TRABD2B: variants seen among roughly 807,000 people sequenced by gnomAD.
TRABD2B encodes the protein TraB domain containing 2B.
Under a neutral mutation model 40.1 loss-of-function variants are expected in TRABD2B, and 14 were observed. The ratio of observed to expected loss-of-function variants is 0.35; its 90% CI spans 0.23 to 0.55. The LOEUF (loss-of-function observed/expected upper bound fraction) is 0.55, where lower values mean the gene tolerates loss of function less well. Among genes scored for constraint, TRABD2B ranks in the 20% least tolerant of loss-of-function variants. The pLI, the probability that TRABD2B is intolerant of heterozygous loss-of-function variation, is 0.90. For synonymous variants in TRABD2B, 263 were observed against 277.0 expected (o/e 0.95, Z 0.50); for missense variants, 541 against 648.6 (o/e 0.83, Z 1.80).
intron 3 of TRABD2B, among the ~76,000 whole-genome samples, chr1:47,796,340 C>A (rs1432516498): frequency 6.6e-6 from 1 of 152,210 alleles, no homozygotes; most frequent in Non-Finnish European, 1.5e-5. Flanking sequence ...AGGCCCAAAG[C>A]ACAAGACACC....
intron 2 of TRABD2B, among the ~76,000 whole-genome samples, chr1:47,875,674 CAAAAAAAAAAAAA>C (rs10541556): frequency 6.6e-5 from 5 of 75,934 alleles, no homozygotes; most frequent in East Asian, 7.2e-4. Flanking sequence ...AACCCTGTCT[CAAAAAAAAAAAAA>C]AAAAAAAAAA....
chr1:47,835,839 G>C (rs1191082285), intron 2 of TRABD2B, among the ~76,000 whole-genome samples: 1 of 152,208 alleles, frequency 6.6e-6, no homozygotes, highest in Non-Finnish European at 1.5e-5. Flanking sequence ...AAGGGTACCA[G>C]TAAAGATAAC....
chr1:47,885,400 G>A (rs1463839859), intron 2 of TRABD2B, among the ~76,000 whole-genome samples: 2 of 152,126 alleles, frequency 1.3e-5, no homozygotes, highest in African/African-American at 4.8e-5. Context: ...CCCCTTTCAG[G>A]CTGTGGGATC....
intron 2 of TRABD2B, among the ~76,000 whole-genome samples, chr1:47,818,424 T>C (rs910616778): frequency 1.3e-5 from 2 of 152,210 alleles, no homozygotes; most frequent in African/African-American, 4.8e-5. Context: ...TTCACAATGA[T>C]ATCTAATAGT....
At chr1:47,819,152 G>A (rs1645074069) in intron 2 of TRABD2B, 2 of 152,282 alleles carry the variant, frequency 1.3e-5, no homozygotes, top group Non-Finnish European at 2.9e-5. Flanking sequence ...GCAGGGCTAG[G>A]GCACAGGGCC....
chr1:47,898,292 C>T (rs895787548), intron 2 of TRABD2B, among the ~76,000 whole-genome samples: 9 of 152,298 alleles, frequency 5.9e-5, no homozygotes, highest in East Asian at 5.8e-4. Flanking sequence ...TCTTTGAGCC[C>T]GGGCTGCTCT....
At chr1:47,904,460 C>T (rs1644648918) in intron 2 of TRABD2B, among the ~76,000 whole-genome samples, 1 of 152,172 alleles carries the variant, frequency 6.6e-6, no homozygotes, top group African/African-American at 2.4e-5. Flanking sequence ...TGATGGAAAC[C>T]ATGTTACCGT....
intron 2 of TRABD2B, among the ~76,000 whole-genome samples, chr1:47,892,809 A>G (rs1463633226): frequency 3.3e-5 from 5 of 152,226 alleles, no homozygotes; most frequent in African/African-American, 4.8e-5. Flanking sequence ...GGAAGCCATC[A>G]TCGGAATTCA....
intron 2 of TRABD2B, among the ~76,000 whole-genome samples, chr1:47,917,229 G>A (rs909047722): frequency 6.6e-5 from 10 of 152,156 alleles, no homozygotes; most frequent in Non-Finnish European, 4.4e-5. Flanking sequence ...CAGGAACCCC[G>A]GAAACCCTTA....
At chr1:47,896,300 C>G (rs1466487514) in intron 2 of TRABD2B, among the ~76,000 whole-genome samples, 2 of 152,042 alleles carry the variant, frequency 1.3e-5, no homozygotes, top group Non-Finnish European at 2.9e-5. Flanking sequence ...TTGGGGGTCT[C>G]GGGTTACAGA....
chr1:47,856,199 G>A (rs1199157016), intron 2 of TRABD2B, among the ~76,000 whole-genome samples: 1 of 152,212 alleles, frequency 6.6e-6, no homozygotes, highest in Non-Finnish European at 1.5e-5. Flanking sequence ...GGGTCTGCGG[G>A]CAGGACCCCT....
At chr1:47,886,645 T>C (rs1276515080) in intron 2 of TRABD2B, among the ~76,000 whole-genome samples, 1 of 152,204 alleles carries the variant, frequency 6.6e-6, no homozygotes, top group African/African-American at 2.4e-5. Context: ...TAATCATTTG[T>C]TCATTCGTTC....
chr1:47,886,878 G>A (rs762206498), intron 2 of TRABD2B, among the ~76,000 whole-genome samples: 2 of 152,098 alleles, frequency 1.3e-5, no homozygotes, highest in African/African-American at 2.4e-5. Flanking sequence ...GGTTTCTAAT[G>A]TGTCCCTGGC....
intron 2 of TRABD2B, among the ~76,000 whole-genome samples, chr1:47,920,430 T>C (rs1350769630): frequency 2.6e-5 from 4 of 152,210 alleles, no homozygotes; most frequent in Non-Finnish European, 5.9e-5. Context: ...TCAGAGCACT[T>C]TCCATCCAAA....
In TRABD2B at chr1:47,921,221, G is replaced by C. The variant is rs1267326880; in HGVS notation, c.666+72813C>G. On this transcript the variant is annotated intron_variant, in intron 2 of 6. Transcript: ENST00000606738. ...TCCTTAGGAATGACAGGTCACGGTAGACCAACTGCTGGGTCAGAATGACCT... is the reference window on the plus strand; with the variant it reads ...TCCTTAGGAATGACAGGTCACGGTACACCAACTGCTGGGTCAGAATGACCT... Among the ~76,000 whole-genome samples, 3 of 152,196 alleles carry C rather than the reference G, an allele frequency of 2.0e-5. No individual in the cohort carries two copies. In the East Asian group the frequency reaches 5.8e-4, roughly 29 times the overall value.
At chr1:47,957,338 G>C (rs1172753493) in intron 2 of TRABD2B, among the ~76,000 whole-genome samples, 1 of 152,224 alleles carries the variant, frequency 6.6e-6, no homozygotes, top group Non-Finnish European at 1.5e-5. Context: ...ACCAGCAACA[G>C]AACAAAGCTG....
chr1:47,933,521 C>G (rs1212609382), intron 2 of TRABD2B, among the ~76,000 whole-genome samples: 2 of 152,168 alleles, frequency 1.3e-5, no homozygotes, highest in African/African-American at 2.4e-5. Flanking sequence ...AGCTTTATAT[C>G]TTTGGGAATG....
At chr1:47,818,340 G>A (rs1293894149) in intron 2 of TRABD2B, 1 of 152,356 alleles carries the variant, frequency 6.6e-6, no homozygotes, top group Admixed American at 6.5e-5. Flanking sequence ...CCACTCACCT[G>A]GTCCCCTGAG....
chr1:47,800,894 T>C (rs889138849), intron 3 of TRABD2B, among the ~76,000 whole-genome samples: 8 of 152,156 alleles, frequency 5.3e-5, no homozygotes, highest in Non-Finnish European at 1.2e-4. Context: ...GTGGAGGACC[T>C]GGGCTGTGAC....
Sources: allele counts gnomAD v4.1 joint callset (sites outside exome capture counted in the v4.1 genomes callset), GRCh38; gene constraint gnomAD v4.1.1; transcripts MANE v1.5; gene names NCBI Gene and HGNC (gene_info 2026-07-23, HGNC 2026-07-21).